Variants in NT5DC4 observed in about 807,000 individuals in gnomAD.
The protein encoded by NT5DC4 is 5'-nucleotidase domain-containing protein 4.
In NT5DC4, 44 loss-of-function variants were observed where a neutral mutation model predicts 26.6. The ratio of observed to expected loss-of-function variants is 1.65; its 90% CI spans 1.30 to 2.13. The LOEUF (loss-of-function observed/expected upper bound fraction) is 2.13, where lower values mean the gene tolerates loss of function less well. Among genes scored for constraint, NT5DC4 ranks in the 30% most tolerant of loss-of-function variants. The pLI is 0.00. For synonymous variants in NT5DC4, 157 were observed against 86.7 expected, an observed-to-expected ratio of 1.81 and a Z score of -4.51; for missense variants, 399 against 228.1, an observed-to-expected ratio of 1.75 and a Z score of -4.83.
intron 16 of NT5DC4, chr2:112,737,592 G>C (rs558395729): frequency 5.9e-5 from 9 of 152,212 alleles, no homozygotes; most frequent in Admixed American, 5.2e-4. Context: ...CAATTGAGTT[G>C]TAAGAGTCTC....
intron 15 of NT5DC4, among the ~76,000 whole-genome samples, chr2:112,727,688 A>G (rs1370040151): frequency 6.6e-6 from 1 of 152,164 alleles, no homozygotes; most frequent in Non-Finnish European, 1.5e-5. Flanking sequence ...ACAGGTTTCA[A>G]TGTCCCCCGG....
chr2:112,732,174 G>A (rs1236452108), intron 16 of NT5DC4, among the ~76,000 whole-genome samples: 2 of 151,868 alleles, frequency 1.3e-5, no homozygotes, highest in South Asian at 2.1e-4. Flanking sequence ...GCCTCTTAAC[G>A]TGTAGGGATT....
intron 15 of NT5DC4, among the ~76,000 whole-genome samples, 183 bp from the exon 16 acceptor site, chr2:112,729,444 G>A (rs760737156): frequency 6.6e-6 from 1 of 152,212 alleles, no homozygotes; most frequent in Non-Finnish European, 1.5e-5. Flanking sequence ...TTTTGAGGAA[G>A]TGAAGTCCAG....
At chr2:112,731,597 A>T (rs1678492728) in intron 16 of NT5DC4, 1 of 152,190 alleles carries the variant, frequency 6.6e-6, no homozygotes, top group East Asian at 1.9e-4. Context: ...ACACATAAAA[A>T]GTCATACTCA....
chr2:112,731,578 CACATTA>C (rs1225805381), intron 16 of NT5DC4: 6 of 152,128 alleles, frequency 3.9e-5, no homozygotes, highest in Admixed American at 1.3e-4. Context: ...TTTGTGTATA[CACATTA>C]AAACACATAA....
At chr2:112,719,932 T>TTCTTTC (rs1405186737), upstream of NT5DC4, among the ~76,000 whole-genome samples, 105 of 48,808 alleles carry the variant, frequency 2.2e-3, no homozygotes, top group South Asian at 5.4e-3. Context: ...TTCTCTTTCT[T>TTCTTTC]TCTTTCTTTC....
At chr2:112,719,306 G>A (rs116564619), upstream of NT5DC4, among the ~76,000 whole-genome samples, 447 of 152,262 alleles carry the variant, frequency 2.9e-3, 2 homozygotes, top group African/African-American at 9.4e-3. Context: ...ACATCGTTCC[G>A]CAGCACACAA....
chr2:112,737,311 T>C (rs953287915), intron 16 of NT5DC4: 5 of 151,752 alleles, frequency 3.3e-5, no homozygotes, highest in African/African-American at 1.2e-4. Flanking sequence ...CATACCGTTT[T>C]CCATAACGGC....
downstream of NT5DC4, chr2:112,741,127 AT>A (rs777572207): frequency 6.7e-5 from 47 of 702,456 alleles, no homozygotes; most frequent in Non-Finnish European, 1.1e-4. Context: ...TGGGCTCCAC[AT>A]ACTGAATAGT....
chr2:112,722,370 C>A, intron 4 of NT5DC4, 92 bp downstream of exon 4: 2 of 711,830 alleles, frequency 2.8e-6, no homozygotes. Flanking sequence ...AGGAAGGACG[C>A]AGGCCCACGG....
At chr2:112,725,142 C>T (rs902988608) in intron 11 of NT5DC4, 32 bp from the exon 12 acceptor site, 12 of 706,960 alleles carry the variant, frequency 1.7e-5, no homozygotes, top group South Asian at 3.0e-5. Flanking sequence ...ATGTGGTTCT[C>T]CTGGCTCCAG....
chr2:112,719,986 C>CTT (rs1458207443), upstream of NT5DC4, among the ~76,000 whole-genome samples: 4 of 75,268 alleles, frequency 5.3e-5, no homozygotes, highest in East Asian at 3.4e-4. Context: ...TTCTTTCTTT[C>CTT]TTTTTCTTTT....
intron 12 of NT5DC4, 34 bp from the exon 13 acceptor site, chr2:112,725,348 C>G (rs960859217): frequency 1.4e-6 from 1 of 690,806 alleles, no homozygotes; most frequent in African/African-American, 1.8e-5. Flanking sequence ...GCAGGAAGGG[C>G]AAACGAGTGT....
intron 16 of NT5DC4, 23 bp downstream of exon 16, chr2:112,729,727 C>A: frequency 2.8e-6 from 2 of 717,444 alleles, no homozygotes; most frequent in Non-Finnish European, 2.6e-6. Flanking sequence ...GGCCGACGAA[C>A]TCTGTGGCTT....
chr2:112,725,593 C>A, intron 13 of NT5DC4, 41 bp downstream of exon 13: 1 of 655,994 alleles, frequency 1.5e-6, no homozygotes, highest in Non-Finnish European at 2.9e-6. Context: ...GGGCACTGGC[C>A]TCCCATGCAG....
chr2:112,729,385 G>T (rs952683954), intron 15 of NT5DC4, among the ~76,000 whole-genome samples: 2 of 152,248 alleles, frequency 1.3e-5, no homozygotes, highest in Admixed American at 1.3e-4. Context: ...GCCTCCCAAA[G>T]TGCTGGGATT....
At chr2:112,737,944 C>CT (rs1170660112) in intron 16 of NT5DC4, 1 of 151,590 alleles carries the variant, frequency 6.6e-6, no homozygotes, top group Non-Finnish European at 1.5e-5. Context: ...AATGTGTTGA[C>CT]TAGGTTTTTC....
downstream of NT5DC4, chr2:112,742,569 G>A (rs1680046235): frequency 5.6e-6 from 4 of 714,652 alleles, no homozygotes; most frequent in Non-Finnish European, 7.7e-6. Context: ...GACAATGGCT[G>A]AAAGGGCCAG....
chr2:112,719,924 C>CTTTCTTTCTTTCTCCT (rs758520099), upstream of NT5DC4, among the ~76,000 whole-genome samples: 2 of 69,124 alleles, frequency 2.9e-5, no homozygotes, highest in Non-Finnish European at 5.2e-5. Context: ...TTCTTTCTTT[C>CTTTCTTTCTTTCTCCT]TCTTTCTTTC....
Sources: allele counts gnomAD v4.1 joint callset (sites outside exome capture counted in the v4.1 genomes callset), GRCh38; gene constraint gnomAD v4.1.1; transcripts MANE v1.5; gene names NCBI Gene and HGNC (gene_info 2026-07-23, HGNC 2026-07-21).